PEMT: variants seen among roughly 807,000 people sequenced by gnomAD.
PEMT encodes the protein phospholipid methyltransferase.
Under a neutral mutation model 27.4 loss-of-function variants are expected in PEMT, and 23 were observed. The ratio of observed to expected loss-of-function variants is 0.84; its 90% CI spans 0.60 to 1.19. The LOEUF (loss-of-function observed/expected upper bound fraction) is 1.19. Ranked by LOEUF, PEMT falls within the 50% of genes most tolerant of loss-of-function variation. The pLI is 0.00. For missense variants in PEMT, 307 were observed against 310.1 expected, an observed-to-expected ratio of 0.99 and a Z score of 0.07; for synonymous variants, 137 against 139.1, an observed-to-expected ratio of 0.98 and a Z score of 0.11.
intron 3 of PEMT, among the ~76,000 whole-genome samples, chr17:17,515,688 A>T (rs1567669727): frequency 6.6e-6 from 1 of 152,202 alleles, no homozygotes; most frequent in Non-Finnish European, 1.5e-5. Flanking sequence ...CCATTAAGCC[A>T]GGAAAGCACA....
Position 17,505,832 on chromosome 17 carries a change from T to A in PEMT, c.670A>T (p.Ile224Phe). ...LLYEEPFTAE[I>F]YRQKASGSHK... is the part of the protein sequence containing the mutation. Reference sequence around the variant, plus strand: ...GACCCGGAGGCTTTCTGCCGGTAGATCTCAGCGGTGAAGGGCCTGCCGGGC... The same window carrying A: ...GACCCGGAGGCTTTCTGCCGGTAGAACTCAGCGGTGAAGGGCCTGCCGGGC... The change falls in exon 7 of 7, where the codon ATC (isoleucine) becomes TTC (phenylalanine). Residue 224 changes from isoleucine to phenylalanine, a missense_variant. Transcript: ENST00000255389. 2 of 1,611,090 alleles carry A rather than the reference T, an allele frequency of 1.2e-6. No individual in the cohort carries two copies. The highest frequency in any genetic ancestry group is 1.7e-6 in the Non-Finnish European group (2 of 1,178,448).
intron 1 of PEMT, among the ~76,000 whole-genome samples, chr17:17,579,137 G>C (rs1035513489): frequency 2.3e-4 from 35 of 152,182 alleles, no homozygotes; most frequent in African/African-American, 7.0e-4. Context: ...AGCCCTGGGG[G>C]GCAAGCGCAG....
chr17:17,558,185 T>C (rs571605533), intron 2 of PEMT, among the ~76,000 whole-genome samples: 1 of 149,918 alleles, frequency 6.7e-6, no homozygotes, highest in African/African-American at 2.5e-5. Context: ...TCCACACACA[T>C]ACAAACACAC....
At chr17:17,537,525 C>T (rs972143364) in intron 2 of PEMT, among the ~76,000 whole-genome samples, 1 of 152,252 alleles carries the variant, frequency 6.6e-6, no homozygotes, top group Non-Finnish European at 1.5e-5. Context: ...GGGCCTTCCC[C>T]ATGCTGGCCC....
chr17:17,580,792 C>G (rs1043365761), intron 1 of PEMT, among the ~76,000 whole-genome samples: 1 of 152,128 alleles, frequency 6.6e-6, no homozygotes, highest in African/African-American at 2.4e-5. Flanking sequence ...TCTGTTATTC[C>G]GCCTCTTACA....
At chr17:17,531,358 G>C (rs766251377) in intron 2 of PEMT, among the ~76,000 whole-genome samples, 1 of 151,134 alleles carries the variant, frequency 6.6e-6, no homozygotes, top group Non-Finnish European at 1.5e-5. Context: ...TTTTTTATGA[G>C]ACATGGTCTC....
intron 2 of PEMT, among the ~76,000 whole-genome samples, chr17:17,564,690 C>G (rs748070593): frequency 5.3e-5 from 8 of 152,186 alleles, no homozygotes; most frequent in Non-Finnish European, 1.2e-4. Flanking sequence ...AGTCTCTCTT[C>G]CCTCTGCTCC....
At chr17:17,583,409 A>G (rs1451567896) in intron 1 of PEMT, among the ~76,000 whole-genome samples, 2 of 152,224 alleles carry the variant, frequency 1.3e-5, no homozygotes, top group East Asian at 3.8e-4. Context: ...TATTTTTTAA[A>G]AAGTTTATTC....
intron 2 of PEMT, among the ~76,000 whole-genome samples, chr17:17,564,783 T>A (rs1292698401): frequency 6.6e-6 from 1 of 152,118 alleles, no homozygotes; most frequent in Non-Finnish European, 1.5e-5. Context: ...CCCATGCCAA[T>A]TCAAGCAAGA....
At chr17:17,550,407 C>T (rs1909567039) in intron 2 of PEMT, among the ~76,000 whole-genome samples, 1 of 152,148 alleles carries the variant, frequency 6.6e-6, no homozygotes, top group Non-Finnish European at 1.5e-5. Flanking sequence ...TTTGGGGTCC[C>T]CTGTGGCACT....
At chr17:17,505,975 G>A (rs1035248166) in intron 6 of PEMT, 127 bp from the exon 7 acceptor site, 5 of 1,388,804 alleles carry the variant, frequency 3.6e-6, no homozygotes, top group Non-Finnish European at 4.8e-6. Flanking sequence ...ATCCCCCAGA[G>A]CCACTGGGGC....
chr17:17,547,050 C>T (rs949927104), intron 2 of PEMT, among the ~76,000 whole-genome samples: 1 of 152,236 alleles, frequency 6.6e-6, no homozygotes, highest in Non-Finnish European at 1.5e-5. Flanking sequence ...GGCGTGCTCT[C>T]GAGCCACATG....
chr17:17,550,175 CT>C (rs1339333497), intron 2 of PEMT, among the ~76,000 whole-genome samples: 1 of 152,232 alleles, frequency 6.6e-6, no homozygotes, highest in African/African-American at 2.4e-5. Context: ...CACCACCCCC[CT>C]CTGGAACGTG....
intron 2 of PEMT, among the ~76,000 whole-genome samples, chr17:17,539,620 T>C (rs547028344): frequency 1.8e-4 from 27 of 152,322 alleles, no homozygotes; most frequent in African/African-American, 6.3e-4. Flanking sequence ...ATTTTGCTAC[T>C]GTGTAACTGT....
intron 1 of PEMT, among the ~76,000 whole-genome samples, chr17:17,579,137 G>A (rs1035513489): frequency 2.0e-5 from 3 of 152,182 alleles, no homozygotes; most frequent in Admixed American, 2.0e-4. Flanking sequence ...AGCCCTGGGG[G>A]GCAAGCGCAG....
At chr17:17,589,142 A>G (rs1309937219) in intron 1 of PEMT, among the ~76,000 whole-genome samples, 2 of 152,088 alleles carry the variant, frequency 1.3e-5, no homozygotes, top group African/African-American at 2.4e-5. Context: ...TTATATTTTT[A>G]GTAGAGATGG....
At chr17:17,554,984 T>C (rs1909947339) in intron 2 of PEMT, among the ~76,000 whole-genome samples, 1 of 152,092 alleles carries the variant, frequency 6.6e-6, no homozygotes, top group African/African-American at 2.4e-5. Flanking sequence ...TTCAAGGCCA[T>C]GCACGGCCTC....
At chr17:17,520,607 C>A (rs1476700802) in intron 3 of PEMT, among the ~76,000 whole-genome samples, 1 of 152,230 alleles carries the variant, frequency 6.6e-6, no homozygotes, top group African/African-American at 2.4e-5. Flanking sequence ...ACGCACAGGC[C>A]CCGAGGCGGT....
intron 2 of PEMT, among the ~76,000 whole-genome samples, chr17:17,522,649 C>A (rs1026180614): frequency 1.3e-5 from 2 of 152,202 alleles, no homozygotes; most frequent in Non-Finnish European, 2.9e-5. Context: ...AACTCTTCAA[C>A]CAGACACAGC....
Sources: allele counts gnomAD v4.1 joint callset (sites outside exome capture counted in the v4.1 genomes callset), GRCh38; gene constraint gnomAD v4.1.1; transcripts MANE v1.5; gene names NCBI Gene and HGNC (gene_info 2026-07-23, HGNC 2026-07-21).